OR56A3: variants seen among roughly 807,000 people sequenced by gnomAD.
The protein encoded by OR56A3 is olfactory receptor 56A3.
OR56A3 carries 23 observed loss-of-function variants against 17.5 expected under a neutral mutation model. That is an observed-to-expected ratio of 1.32 (90% confidence interval 0.95 to 1.87). The LOEUF is 1.87. Ranked by LOEUF, OR56A3 falls within the 40% of genes most tolerant of loss-of-function variation. OR56A3 has a pLI of 0.00. For missense variants in OR56A3, 366 were observed against 380.1 expected (o/e 0.96, Z 0.31); for synonymous variants, 175 against 150.6 (o/e 1.16, Z -1.19).
rs1489245525 is a variant in OR56A3, at chr11:5,947,685, C to T, written c.339C>T (p.Ala113=). 6.2e-7 allele frequency: 1 copy of T among 1,614,218 alleles called. No individual in the cohort carries two copies. The highest frequency in any genetic ancestry group is 8.5e-7 in the Non-Finnish European group (1 of 1,180,044). ...LQMYIMNCFL[A]MESCTFMVMA... is the part of the protein sequence containing the mutation. ...TGTACATCATGAATTGTTTCCTAGC[C>T]ATGGAGTCTTGCACATTCATGGTCA... Residue 113 remains alanine (A), a synonymous_variant, in exon 3 of 3, where the codon GCC becomes GCT. Transcript: ENST00000641160.
downstream of OR56A3, among the ~76,000 whole-genome samples, chr11:5,952,668 T>A (rs958588135): frequency 6.6e-6 from 1 of 152,130 alleles, no homozygotes; most frequent in African/African-American, 2.4e-5. Context: ...TAAAAATAGG[T>A]AATTTTAGAA....
At chr11:5,994,897 A>T in the OR56A3 span, 1 of 757,376 alleles carries the variant, frequency 1.3e-6, no homozygotes, top group African/African-American at 1.7e-5. Context: ...CCAGGCAGTC[A>T]TTCAGGCTTT....
At chr11:6,016,348 G>A in the OR56A3 span, among the ~76,000 whole-genome samples, 29 of 152,094 alleles carry the variant, frequency 1.9e-4, no homozygotes, top group East Asian at 3.7e-3. Flanking sequence ...AATAAATTAC[G>A]CAGTCTTAGG....
chr11:5,968,544 G>C, the OR56A3 span: 1 of 1,255,636 alleles, frequency 8.0e-7, no homozygotes, highest in Non-Finnish European at 1.1e-6. Context: ...TGTTTGATAA[G>C]ACACAGGAAT....
At chr11:5,968,514 GAA>G in the OR56A3 span, 2 of 1,507,580 alleles carry the variant, frequency 1.3e-6, no homozygotes, top group East Asian at 4.9e-5. Flanking sequence ...CCTCAGCTGA[GAA>G]AATTTCACCT....
chr11:5,966,134 G>C, the OR56A3 span, among the ~76,000 whole-genome samples: 1 of 151,048 alleles, frequency 6.6e-6, no homozygotes, highest in Non-Finnish European at 1.5e-5. Context: ...ACTTTGGGAG[G>C]CTGAGGCAGG....
chr11:5,980,861 A>C, the OR56A3 span, among the ~76,000 whole-genome samples: 1 of 152,282 alleles, frequency 6.6e-6, no homozygotes, highest in East Asian at 1.9e-4. Context: ...GTCTACTGGT[A>C]ACAAATTTCC....
downstream of OR56A3, among the ~76,000 whole-genome samples, chr11:5,954,843 C>T (rs1414231981): frequency 1.3e-5 from 2 of 152,058 alleles, no homozygotes; most frequent in Admixed American, 6.6e-5. Flanking sequence ...TAGAAGAGAG[C>T]ATAAAAGTCT....
chr11:6,018,801 AAAAG>A, the OR56A3 span, among the ~76,000 whole-genome samples: 1 of 152,170 alleles, frequency 6.6e-6, no homozygotes, highest in East Asian at 1.9e-4. Context: ...AATCAAAAGA[AAAAG>A]AGAGAAGATG....
the OR56A3 span, among the ~76,000 whole-genome samples, chr11:6,011,114 A>C: frequency 6.6e-6 from 1 of 151,892 alleles, no homozygotes; most frequent in Non-Finnish European, 1.5e-5. Flanking sequence ...AATGTCTATC[A>C]GTCTTATTAC....
chr11:5,983,722 A>G, the OR56A3 span, among the ~76,000 whole-genome samples: 8 of 152,130 alleles, frequency 5.3e-5, no homozygotes, highest in Non-Finnish European at 1.0e-4. Flanking sequence ...TTGCTTTTCC[A>G]TATGGGAAGA....
At position 5,947,538 on chromosome 11, in the gene OR56A3, C is replaced by T; in HGVS notation, c.192C>T (p.Tyr64=). Reference sequence around the variant, plus strand: ...AGGCCTCTCTGCACCAGCCCCTGTACTACCTGCTCAGCCTCCTCTCCCTGC... The same window carrying T: ...AGGCCTCTCTGCACCAGCCCCTGTATTACCTGCTCAGCCTCCTCTCCCTGC... The part of the protein sequence containing the change: ...WLEASLHQPL[Y]YLLSLLSLLD... The change falls in exon 3 of 3, where the codon TAC becomes TAT. Residue 64 remains tyrosine, a synonymous_variant. Transcript: ENST00000641160. 3 of 1,614,164 alleles carry T rather than the reference C, an allele frequency of 1.9e-6. No homozygotes were observed. Among genetic ancestry groups the T allele is most frequent in the Non-Finnish European group, 2.5e-6 (3 of 1,180,036 alleles).
the OR56A3 span, among the ~76,000 whole-genome samples, chr11:5,980,844 A>G: frequency 6.6e-6 from 1 of 152,120 alleles, no homozygotes; most frequent in Non-Finnish European, 1.5e-5. Flanking sequence ...TAGCACTTCT[A>G]AGGCAGGTCT....
At chr11:6,003,366 G>A in the OR56A3 span, among the ~76,000 whole-genome samples, 32 of 152,244 alleles carry the variant, frequency 2.1e-4, no homozygotes, top group Non-Finnish European at 2.8e-4. Flanking sequence ...ATTGTTGTGC[G>A]TTTATATGAT....
the OR56A3 span, among the ~76,000 whole-genome samples, chr11:5,976,985 T>C: frequency 6.6e-6 from 1 of 152,208 alleles, no homozygotes; most frequent in African/African-American, 2.4e-5. Flanking sequence ...TTTCTGTTCC[T>C]GCATTCACTC....
the OR56A3 span, among the ~76,000 whole-genome samples, chr11:6,008,919 GATT>G: frequency 6.6e-6 from 1 of 151,854 alleles, no homozygotes; most frequent in Admixed American, 6.6e-5. Flanking sequence ...ATGTTATTCT[GATT>G]ATTACCTGTT....
At chr11:6,014,913 T>C in the OR56A3 span, among the ~76,000 whole-genome samples, 1 of 139,900 alleles carries the variant, frequency 7.1e-6, no homozygotes, top group East Asian at 2.1e-4. Flanking sequence ...TTGAGAGAGA[T>C]GACTTAGGGT....
chr11:5,995,744 C>A, the OR56A3 span, among the ~76,000 whole-genome samples: 1 of 152,088 alleles, frequency 6.6e-6, no homozygotes, highest in Non-Finnish European at 1.5e-5. Context: ...GTGAGAACAC[C>A]ACCAAACGTT....
the OR56A3 span, among the ~76,000 whole-genome samples, chr11:6,009,558 G>GCA: frequency 3.3e-5 from 5 of 151,500 alleles, no homozygotes; most frequent in African/African-American, 4.8e-5. Context: ...GTGAGCACAT[G>GCA]CACACACACA....
Sources: allele counts gnomAD v4.1 joint callset (sites outside exome capture counted in the v4.1 genomes callset), GRCh38; gene constraint gnomAD v4.1.1; transcripts MANE v1.5; gene names NCBI Gene and HGNC (gene_info 2026-07-23, HGNC 2026-07-21).